CTDSPL2: variants seen among roughly 807,000 people sequenced by gnomAD.
CTDSPL2 encodes the protein CTD small phosphatase like 2.
CTDSPL2 carries 5 observed loss-of-function variants against 60.0 expected under a neutral mutation model. The ratio of observed to expected loss-of-function variants is 0.08; its 90% CI spans 0.04 to 0.18. CTDSPL2 has a LOEUF of 0.18. Among genes scored for constraint, CTDSPL2 ranks in the 10% least tolerant of loss-of-function variants. CTDSPL2 has a pLI of 1.00. For missense variants in CTDSPL2, 370 were observed against 548.8 expected (o/e 0.67, Z 3.26); for synonymous variants, 186 against 189.3 (o/e 0.98, Z 0.14).
In CTDSPL2 at chr15:44,521,937, CAAAAAA is replaced by C. The variant is rs904398715; in HGVS notation, c.1335+552_1335+557del. ...TGGGCGACAGAGCGAGACTCCGTCT[CAAAAAA>C]AAAAAAAAAAAAAAAAAAAACATGA... On this transcript the variant is annotated intron_variant, in intron 12 of 12. Transcript: ENST00000260327. Among the ~76,000 whole-genome samples the C allele has an allele frequency of 6.0e-3, 365 of 60,752 alleles. 2 individuals are homozygous for C. The highest frequency in any genetic ancestry group is 0.029 in the African/African-American group (349 of 11,930). 39.9% of individuals were successfully genotyped at this position (60,752 alleles called of 152,430 possible).
At chr15:44,433,315 A>G (rs1179863280) in intron 1 of CTDSPL2, among the ~76,000 whole-genome samples, 1 of 148,512 alleles carries the variant, frequency 6.7e-6, no homozygotes, top group Non-Finnish European at 1.5e-5. Context: ...TAACAGAGCA[A>G]GACCCTGTCT....
intron 8 of CTDSPL2, among the ~76,000 whole-genome samples, chr15:44,501,088 G>A (rs2081375103): frequency 6.6e-6 from 1 of 152,010 alleles, no homozygotes; most frequent in African/African-American, 2.4e-5. Flanking sequence ...TTAAGGACAG[G>A]AGTCCTTGTG....
Position 44,486,712 on chromosome 15 carries a change from C to T in CTDSPL2, c.475+12C>T. 2 of 1,493,586 alleles carry T rather than the reference C, an allele frequency of 1.3e-6. No individual in the cohort carries two copies. The highest frequency in any genetic ancestry group is 2.5e-5 in the East Asian group (1 of 40,546). The allele number at this position is 1,493,586 out of a possible 1,614,324, so 92.5% of individuals were successfully genotyped here. On this transcript the variant is annotated intron_variant, in intron 4 of 12. Coordinates refer to ENST00000260327, the MANE Select transcript of CTDSPL2 (RefSeq NM_016396.3). Reference sequence around the variant, plus strand: ...AGCAAATAAAAATGGTAAGTATAAACTGTTAACTGTGATTTGGATTTTTTT... The same window carrying T: ...AGCAAATAAAAATGGTAAGTATAAATTGTTAACTGTGATTTGGATTTTTTT...
At chr15:44,468,578 G>C (rs377426013) in intron 2 of CTDSPL2, among the ~76,000 whole-genome samples, 3 of 152,106 alleles carry the variant, frequency 2.0e-5, no homozygotes, top group African/African-American at 7.2e-5. Context: ...GCTTAAATCA[G>C]ATATCAGTAA....
At position 44,459,133 on chromosome 15, in the gene CTDSPL2, A is replaced by C; in HGVS notation, c.119A>C (p.Lys40Thr). The change falls in exon 2 of 13, where the codon AAA becomes ACA. Residue 40 changes from lysine to threonine, a missense_variant. Lys to Thr is a moderately conservative substitution (Grantham distance 78). Coordinates refer to ENST00000260327, the MANE Select transcript of CTDSPL2 (RefSeq NM_016396.3). The part of the protein sequence containing the change: ...VDDSLPSGGE[K>T]PSKNETGLLS... ...GATAGCCTGCCTTCAGGAGGAGAAA[A>C]ACCATCGAAGAATGAAACCGGCTTG... 1 of 1,613,286 alleles carries C rather than the reference A, an allele frequency of 6.2e-7. No individual in the cohort carries two copies. Among genetic ancestry groups the C allele is most frequent in the Non-Finnish European group, 8.5e-7 (1 of 1,179,580 alleles).
rs558956467 is a variant in CTDSPL2 at position 44,523,065 on chromosome 15, C to T, written c.1336-1044C>T. Among the ~76,000 whole-genome samples, 44 of 152,094 alleles carry T rather than the reference C, an allele frequency of 2.9e-4. No homozygotes were observed. The South Asian group carries it at 4.4e-3, about 15-fold the overall frequency. Reference sequence around the variant, plus strand: ...AGGCTGGAGTGCAGTGGCGCAATCTCGGCTCACTGCAGCCTCCGCCTCCCA... The same window carrying T: ...AGGCTGGAGTGCAGTGGCGCAATCTTGGCTCACTGCAGCCTCCGCCTCCCA... On this transcript the variant is annotated intron_variant, in intron 12 of 12. Transcript: ENST00000260327.
rs59993417 is a variant in CTDSPL2 at position 44,444,302 on chromosome 15, TACACACACACACACACAC to T, written c.-24-14667_-24-14650del. Reference sequence around the variant, plus strand: ...AATCCAATGTTATGAGCTTTTCCCATACACACACACACACACACACACACACACACACACACACAGACA... The same window carrying T: ...AATCCAATGTTATGAGCTTTTCCCATACACACACACACACACACACAGACA... On this transcript the variant is annotated intron_variant, in intron 1 of 12. Transcript: ENST00000260327. Among the ~76,000 whole-genome samples, 679 of 136,274 alleles carry T rather than the reference TACACACACACACACACAC, an allele frequency of 5.0e-3. 2 individuals carry two copies. Among genetic ancestry groups the T allele is most frequent in the South Asian group, 9.0e-3 (37 of 4,132 alleles). 89.4% of individuals were successfully genotyped at this position (136,274 alleles called of 152,430 possible).
intron 3 of CTDSPL2, among the ~76,000 whole-genome samples, chr15:44,484,938 C>A (rs969307830): frequency 6.6e-6 from 1 of 152,122 alleles, no homozygotes; most frequent in African/African-American, 2.4e-5. Context: ...TAAATAAACT[C>A]ATTTCTTAAA....
intron 2 of CTDSPL2, 49 bp downstream of exon 2, chr15:44,459,249 C>T (rs373642072): frequency 2.8e-5 from 39 of 1,416,258 alleles, no homozygotes; most frequent in African/African-American, 2.1e-4. Context: ...GAAAATTGGC[C>T]GGGCACGGTG....
intron 1 of CTDSPL2, among the ~76,000 whole-genome samples, chr15:44,457,148 A>AT (rs1339567945): frequency 7.2e-5 from 11 of 152,202 alleles, no homozygotes; most frequent in African/African-American, 2.2e-4. Flanking sequence ...AAATGCTGGG[A>AT]TTACAGGCGT....
rs540813312 is a variant in CTDSPL2, at chr15:44,486,507, T to G, written c.326-44T>G. 3.7e-6 allele frequency: 5 copies of G among 1,356,606 alleles called. No individual in the cohort carries two copies. In the South Asian group the frequency reaches 7.5e-5, roughly 20 times the overall value. The allele number at this position is 1,356,606 out of a possible 1,614,324, so 84.0% of individuals were successfully genotyped here. A position where few individuals can be genotyped will look rare whatever the true frequency, so the allele number is the denominator to read the frequency against. ...ATGATTTATAACACACTTCTGAAAT[T>G]CAGTGTTTTCTAGATCATGACTTTT... On this transcript the variant is annotated intron_variant, in intron 3 of 12. Coordinates refer to ENST00000260327, the MANE Select transcript of CTDSPL2 (RefSeq NM_016396.3).
At chr15:44,477,501 C>T (rs975618885) in intron 2 of CTDSPL2, among the ~76,000 whole-genome samples, 9 of 151,850 alleles carry the variant, frequency 5.9e-5, no homozygotes, top group African/African-American at 2.2e-4. Context: ...TGCCATTGCA[C>T]TCCAGCCTTG....
chr15:44,511,101 CTG>C (rs2081558300), intron 8 of CTDSPL2, among the ~76,000 whole-genome samples: 1 of 152,158 alleles, frequency 6.6e-6, no homozygotes, highest in Admixed American at 6.5e-5. Flanking sequence ...CATTCTCTGC[CTG>C]TGTCTTTTAA....
chr15:44,483,950 A>G (rs1044704509), intron 2 of CTDSPL2, among the ~76,000 whole-genome samples: 2 of 152,206 alleles, frequency 1.3e-5, no homozygotes, highest in East Asian at 1.9e-4. Flanking sequence ...CTATAATTCA[A>G]TATTTTGATA....
chr15:44,495,298 C>T (rs919801907), intron 5 of CTDSPL2, among the ~76,000 whole-genome samples: 10 of 148,558 alleles, frequency 6.7e-5, no homozygotes, highest in African/African-American at 1.5e-4. Context: ...AGATTATAGT[C>T]GTGGCCGGGT....
At chr15:44,473,337 C>A (rs2080848683) in intron 2 of CTDSPL2, among the ~76,000 whole-genome samples, 1 of 152,078 alleles carries the variant, frequency 6.6e-6, no homozygotes, top group African/African-American at 2.4e-5. Context: ...GCTCTATCGC[C>A]CAGGCTGGAG....
At chr15:44,502,032 A>G (rs12102094) in intron 8 of CTDSPL2, 15 of 449,624 alleles carry the variant, frequency 3.3e-5, no homozygotes, top group Non-Finnish European at 4.9e-5. Flanking sequence ...GAGATATTGG[A>G]GAAACCACAT....
rs2081883547 is a variant in CTDSPL2 at position 44,526,856 on chromosome 15, G to A, written c.*2682G>A. The A allele has an allele frequency of 6.6e-6, 1 of 152,536 alleles. No homozygotes were observed. The highest frequency in any genetic ancestry group is 6.5e-5 in the Admixed American group (1 of 15,274). 9.4% of individuals were successfully genotyped at this position (152,536 alleles called of 1,614,324 possible). A position where few individuals can be genotyped will look rare whatever the true frequency, so the allele number is the denominator to read the frequency against. On this transcript the variant is annotated 3_prime_UTR_variant, in exon 13 of 13. Transcript: ENST00000260327. ...GTAAATGCAGGAGAGGTGGATACCT[G>A]ATGAGACACAGCGAAAGTGACCTGT...
intron 2 of CTDSPL2, among the ~76,000 whole-genome samples, chr15:44,479,530 T>C (rs1470431354): frequency 6.6e-6 from 1 of 151,066 alleles, no homozygotes; most frequent in African/African-American, 2.4e-5. Flanking sequence ...CCTCAGCCTC[T>C]TTGAGTTGCA....
Sources: gnomAD v4.1 joint callset for allele counts (sites outside exome capture counted in the v4.1 genomes callset) on GRCh38, gnomAD v4.1.1 for gene constraint, MANE v1.5 for transcripts, NCBI Gene and HGNC (gene_info 2026-07-23, HGNC 2026-07-21) for gene names.